Variants in MACROD2 observed in about 807,000 individuals in gnomAD.
The protein encoded by MACROD2 is ADP-ribose glycohydrolase MACROD2.
In MACROD2, 36 loss-of-function variants were observed where a neutral mutation model predicts 70.4. The observed-to-expected ratio is 0.51, with a 90% CI of 0.39 to 0.68. MACROD2 has a LOEUF of 0.68. MACROD2 is among the 30% of genes least tolerant of loss of function. The pLI is 0.00. For synonymous variants in MACROD2, 172 were observed against 178.8 expected (o/e 0.96, Z 0.30); for missense variants, 496 against 538.4 (o/e 0.92, Z 0.78).
intron 5 of MACROD2, among the ~76,000 whole-genome samples, chr20:14,740,704 C>T (rs1044485546): frequency 2.6e-5 from 4 of 151,864 alleles, no homozygotes; most frequent in Non-Finnish European, 5.9e-5. Context: ...CTAATGCTGT[C>T]TCAATATAGG....
chr20:14,166,274 T>G lies in MACROD2; in HGVS notation c.271+80546T>G, dbSNP rs546327382. ...TCCTGATAATATGGTAGAATAAAAT[T>G]TTTCTAGTTTTTATGGTGATTCTTT... On this transcript the variant is annotated intron_variant, in intron 3 of 17. Transcript: ENST00000684519. Among the ~76,000 whole-genome samples the G allele has an allele frequency of 4.6e-5, 7 of 152,108 alleles. No homozygotes were observed. In the South Asian group the frequency reaches 1.5e-3, roughly 32 times the overall value.
At chr20:15,162,577 T>A (rs1010796106) in intron 5 of MACROD2, among the ~76,000 whole-genome samples, 1 of 152,158 alleles carries the variant, frequency 6.6e-6, no homozygotes, top group Non-Finnish European at 1.5e-5. Context: ...TCTGTGGCTT[T>A]GTGGTTCAAA....
chr20:15,696,678 G>GTTT (rs374403186), intron 8 of MACROD2, among the ~76,000 whole-genome samples: 1,764 of 88,670 alleles, frequency 0.02, 67 homozygotes, highest in African/African-American at 0.069. Context: ...TAGTCCTGGA[G>GTTT]TTTTTTTTTT....
At chr20:15,177,742 CTT>C (rs562856220) in intron 5 of MACROD2, among the ~76,000 whole-genome samples, 1 of 151,722 alleles carries the variant, frequency 6.6e-6, no homozygotes, top group Non-Finnish European at 1.5e-5. Context: ...CACAAGAAAA[CTT>C]TTTTTTTCCC....
chr20:15,986,880 TGCGTG>T, intron 14 of MACROD2, 79 bp downstream of exon 14: 2 of 1,150,574 alleles, frequency 1.7e-6, no homozygotes, highest in Non-Finnish European at 2.6e-6. Context: ...CCTGTGTGTG[TGCGTG>T]GTGTGTGTGT....
At chr20:16,017,294 A>G (rs955030361) in intron 15 of MACROD2, among the ~76,000 whole-genome samples, 13 of 151,568 alleles carry the variant, frequency 8.6e-5, no homozygotes, top group African/African-American at 3.2e-4. Flanking sequence ...ATATAAGCAC[A>G]TTGGCTGCAA....
chr20:15,553,701 T>C (rs1423725069), intron 8 of MACROD2, among the ~76,000 whole-genome samples: 1 of 152,246 alleles, frequency 6.6e-6, no homozygotes, highest in Admixed American at 6.5e-5. Context: ...ATTACAGGCA[T>C]GCTGGGCACA....
intron 7 of MACROD2, among the ~76,000 whole-genome samples, chr20:15,443,801 T>C (rs1255576642): frequency 6.6e-6 from 1 of 152,150 alleles, no homozygotes; most frequent in East Asian, 1.9e-4. Flanking sequence ...TACTGGCCTG[T>C]TCTGTCCACT....
intron 3 of MACROD2, among the ~76,000 whole-genome samples, chr20:14,313,278 G>C (rs1416513768): frequency 6.6e-6 from 1 of 152,116 alleles, no homozygotes; most frequent in African/African-American, 2.4e-5. Context: ...TGAACATTTG[G>C]TAAGCAGTTG....
intron 5 of MACROD2, among the ~76,000 whole-genome samples, chr20:14,937,305 G>A (rs1251761682): frequency 2.0e-5 from 3 of 152,054 alleles, no homozygotes; most frequent in Admixed American, 6.6e-5. Context: ...GAGGAGGAAA[G>A]GTAGTGGTGG....
intron 5 of MACROD2, among the ~76,000 whole-genome samples, chr20:15,192,131 C>T (rs1185230090): frequency 1.3e-5 from 2 of 151,718 alleles, no homozygotes; most frequent in African/African-American, 2.4e-5. Context: ...TTAATCCTCT[C>T]TTCCCTTTCC....
At chr20:14,275,035 A>G (rs73612346) in intron 3 of MACROD2, among the ~76,000 whole-genome samples, 1 of 152,204 alleles carries the variant, frequency 6.6e-6, no homozygotes, top group East Asian at 1.9e-4. Context: ...ATGCTCATGG[A>G]TAGGAAGAAT....
chr20:14,695,285 G>T (rs2071110528), intron 5 of MACROD2, among the ~76,000 whole-genome samples: 1 of 151,998 alleles, frequency 6.6e-6, no homozygotes, highest in African/African-American at 2.4e-5. Context: ...CAACATAACT[G>T]CAATCTCTGC....
chr20:15,898,962 A>G (rs2065019171), intron 10 of MACROD2, among the ~76,000 whole-genome samples: 1 of 151,954 alleles, frequency 6.6e-6, no homozygotes, highest in African/African-American at 2.4e-5. Flanking sequence ...ATATGTATAC[A>G]CATACCTATA....
chr20:15,685,029 T>A (rs1019436414), intron 8 of MACROD2, among the ~76,000 whole-genome samples: 4 of 152,284 alleles, frequency 2.6e-5, no homozygotes, highest in Admixed American at 1.3e-4. Context: ...AGCTTATTTT[T>A]AAAATAAATC....
rs1361899068 is a variant in MACROD2, at chr20:14,128,060, TAC to T, written c.271+42334_271+42335del. 9 of 562,468 alleles carry T rather than the reference TAC, an allele frequency of 1.6e-5. No individual in the cohort carries two copies. In the East Asian group the frequency reaches 4.1e-4, roughly 25 times the overall value. The allele number at this position is 562,468 out of a possible 1,614,324, so 34.8% of individuals were successfully genotyped here. A position where few individuals can be genotyped will look rare whatever the true frequency, so the allele number is the denominator to read the frequency against. On this transcript the variant is annotated intron_variant, in intron 3 of 17. Coordinates refer to ENST00000684519, the MANE Select transcript of MACROD2 (RefSeq NM_001351661.2). ...TGATTTTACTTTGTAACCTGAAACCTACAATGATGAGGGGAGTATTATCTCAA... is the reference window on the plus strand; with the variant it reads ...TGATTTTACTTTGTAACCTGAAACCTAATGATGAGGGGAGTATTATCTCAA...
intron 6 of MACROD2, among the ~76,000 whole-genome samples, chr20:15,400,533 AATAG>A (rs1422272603): frequency 6.6e-6 from 1 of 152,166 alleles, no homozygotes; most frequent in Non-Finnish European, 1.5e-5. Flanking sequence ...ATGCAAAGTC[AATAG>A]ATATTTTTCA....
At chr20:15,068,990 A>G (rs868485315) in intron 5 of MACROD2, among the ~76,000 whole-genome samples, 10 of 152,190 alleles carry the variant, frequency 6.6e-5, no homozygotes, top group African/African-American at 2.4e-4. Flanking sequence ...CAAAATGCCA[A>G]TAGAAATATG....
At chr20:14,864,759 T>C (rs2073409833) in intron 5 of MACROD2, among the ~76,000 whole-genome samples, 1 of 152,102 alleles carries the variant, frequency 6.6e-6, no homozygotes, top group African/African-American at 2.4e-5. Flanking sequence ...TTTCTGCTAA[T>C]GGATGTTTAG....
Sources: allele counts gnomAD v4.1 joint callset (sites outside exome capture counted in the v4.1 genomes callset), GRCh38; gene constraint gnomAD v4.1.1; transcripts MANE v1.5; gene names NCBI Gene and HGNC (gene_info 2026-07-23, HGNC 2026-07-21).